The following CLMP variants were observed in gnomAD, a reference collection of about 807,000 sequenced individuals.
CLMP encodes CXADR-like membrane protein.
CLMP carries 27 observed loss-of-function variants against 45.2 expected under a neutral mutation model. The ratio of observed to expected loss-of-function variants is 0.60; its 90% CI spans 0.44 to 0.82. CLMP has a LOEUF of 0.82. CLMP is among the 40% of genes least tolerant of loss of function. CLMP has a pLI of 0.00. For missense variants in CLMP, 403 were observed against 448.4 expected, an observed-to-expected ratio of 0.90 and a Z score of 0.91; for synonymous variants, 167 against 171.4, an observed-to-expected ratio of 0.97 and a Z score of 0.20.
At chr11:123,108,443 A>G (rs1468181948) in intron 1 of CLMP, among the ~76,000 whole-genome samples, 1 of 152,194 alleles carries the variant, frequency 6.6e-6, no homozygotes, top group Non-Finnish European at 1.5e-5. Context: ...ATTTGTTCCT[A>G]GAGTCCTTAA....
chr11:123,083,900 C>G, intron 3 of CLMP, 53 bp from the exon 4 acceptor site: 2 of 1,593,528 alleles, frequency 1.3e-6, no homozygotes, highest in Non-Finnish European at 1.7e-6. Context: ...TCCCCAAACA[C>G]CAGATTCAAT....
chr11:123,142,906 G>A (rs544701557), intron 1 of CLMP, among the ~76,000 whole-genome samples: 3 of 152,232 alleles, frequency 2.0e-5, no homozygotes, highest in East Asian at 1.9e-4. Context: ...GACTACAGGC[G>A]TGAGCCACCG....
chr11:123,168,920 G>A (rs117854606), intron 1 of CLMP, among the ~76,000 whole-genome samples: 2,049 of 152,260 alleles, frequency 0.013, 53 homozygotes, highest in East Asian at 0.1. Flanking sequence ...AGAACGTGCG[G>A]CATCCAAGCA....
intron 1 of CLMP, among the ~76,000 whole-genome samples, chr11:123,193,300 T>C (rs373741491): frequency 7.2e-5 from 11 of 152,384 alleles, no homozygotes; most frequent in African/African-American, 2.4e-4. Context: ...GGGCAGCCAA[T>C]AGGCTTGTTG....
At chr11:123,094,947 A>G (rs1398459992) in intron 2 of CLMP, among the ~76,000 whole-genome samples, 1 of 152,070 alleles carries the variant, frequency 6.6e-6, no homozygotes, top group African/African-American at 2.4e-5. Flanking sequence ...TTTGTAAAAA[A>G]TTATTAAATG....
At chr11:123,185,454 C>T (rs1214011960) in intron 1 of CLMP, among the ~76,000 whole-genome samples, 1 of 152,098 alleles carries the variant, frequency 6.6e-6, no homozygotes, top group Middle Eastern at 3.2e-3. Flanking sequence ...GGACGGTCAC[C>T]TGCATTCCTC....
chr11:123,122,308 G>A (rs1393098196), intron 1 of CLMP, among the ~76,000 whole-genome samples: 2 of 152,122 alleles, frequency 1.3e-5, no homozygotes, highest in Admixed American at 6.6e-5. Context: ...ACTGTGCCAG[G>A]TACTCTGCTC....
chr11:123,074,191 T>TTTTTG (rs1239823014), intron 6 of CLMP, among the ~76,000 whole-genome samples: 2 of 150,938 alleles, frequency 1.3e-5, no homozygotes, highest in Non-Finnish European at 2.9e-5. Context: ...TTTTTTTTTT[T>TTTTTG]TGAGACATGC....
At chr11:123,149,260 T>C (rs1273062957) in intron 1 of CLMP, among the ~76,000 whole-genome samples, 2 of 152,166 alleles carry the variant, frequency 1.3e-5, no homozygotes, top group African/African-American at 4.8e-5. Flanking sequence ...GAAACACCAC[T>C]CTGCTATACC....
At position 123,107,803 on chromosome 11, in the gene CLMP, A is replaced by ATT. The variant is rs368949127; in HGVS notation, c.29-9853_29-9852dup. ...TGCTCGCTTTTGTGTGCTCTCTCCT[A>ATT]TTTTTTTTTTGTTGTACCAGTTGAA... On this transcript the variant is annotated intron_variant, in intron 1 of 6. Transcript: ENST00000448775. Among the ~76,000 whole-genome samples the ATT allele has an allele frequency of 2.4e-3, 360 of 148,982 alleles. 6 individuals are homozygous for ATT. Among genetic ancestry groups the ATT allele is most frequent in the Admixed American group, 0.017 (257 of 14,940 alleles).
At position 123,190,081 on chromosome 11, in the gene CLMP, C is replaced by T. The variant is rs1861888719; in HGVS notation, c.28+4832G>A. On this transcript the variant is annotated intron_variant, in intron 1 of 6. Coordinates refer to ENST00000448775, the MANE Select transcript of CLMP (RefSeq NM_024769.5). ...TAGCCCCTCTGCACTGAAGTCTATC[C>T]TAGGTGTCCATGCTTGAGGCTGTTC... 2.0e-5 allele frequency among the ~76,000 whole-genome samples: 3 copies of T among 151,710 alleles called. No individual in the cohort carries two copies. The South Asian group carries it at 6.2e-4, about 32-fold the overall frequency.
chr11:123,075,942 G>C lies in CLMP; in HGVS notation c.680-1099C>G, dbSNP rs994006960. On this transcript the variant is annotated intron_variant, in intron 5 of 6. Transcript: ENST00000448775. ...AATCCCAGCACTTTGGGAGGCTGAC[G>C]TGGGCGGATCACTTGAGGTCAGGAG... Among the ~76,000 whole-genome samples the C allele has an allele frequency of 7.0e-4, 106 of 152,232 alleles. 1 individual carries two copies. The highest frequency in any genetic ancestry group is 2.5e-3 in the African/African-American group (104 of 41,564).
At chr11:123,167,337 A>G (rs1197494313) in intron 1 of CLMP, among the ~76,000 whole-genome samples, 2 of 152,116 alleles carry the variant, frequency 1.3e-5, no homozygotes, top group East Asian at 1.9e-4. Flanking sequence ...CCTGGCTGGA[A>G]CGCAGTGGCA....
At chr11:123,182,232 G>T (rs1861778804) in intron 1 of CLMP, among the ~76,000 whole-genome samples, 1 of 152,224 alleles carries the variant, frequency 6.6e-6, no homozygotes, top group East Asian at 1.9e-4. Flanking sequence ...TTTGAGATAA[G>T]CCAAGACCCT....
intron 1 of CLMP, among the ~76,000 whole-genome samples, chr11:123,186,782 CA>C: frequency 6.6e-6 from 1 of 152,280 alleles, no homozygotes; most frequent in East Asian, 1.9e-4. Context: ...CTCGGCCTCC[CA>C]AAGTGCTAGG....
intron 1 of CLMP, among the ~76,000 whole-genome samples, chr11:123,114,544 A>G (rs942948975): frequency 1.3e-5 from 2 of 149,720 alleles, no homozygotes; most frequent in Admixed American, 6.7e-5. Flanking sequence ...GGCTCAAGCA[A>G]TTCTTCCTCC....
At chr11:123,173,186 G>A (rs1262486672) in intron 1 of CLMP, among the ~76,000 whole-genome samples, 2 of 152,364 alleles carry the variant, frequency 1.3e-5, no homozygotes, top group African/African-American at 2.4e-5. Flanking sequence ...CAGGATGGTA[G>A]GTAAGATCCC....
At chr11:123,113,524 G>A (rs1302184978) in intron 1 of CLMP, among the ~76,000 whole-genome samples, 2 of 152,198 alleles carry the variant, frequency 1.3e-5, no homozygotes, top group African/African-American at 4.8e-5. Context: ...ATACCTGGCA[G>A]GCGATGACCT....
chr11:123,081,956 G>C (rs1565377113), intron 5 of CLMP, among the ~76,000 whole-genome samples: 3 of 152,144 alleles, frequency 2.0e-5, no homozygotes, highest in African/African-American at 7.2e-5. Flanking sequence ...AGGTACTACA[G>C]AGTTAGTGGT....
Sources: gnomAD v4.1 joint callset for allele counts (sites outside exome capture counted in the v4.1 genomes callset) on GRCh38, gnomAD v4.1.1 for gene constraint, MANE v1.5 for transcripts, NCBI Gene and HGNC (gene_info 2026-07-23, HGNC 2026-07-21) for gene names.